Variants in TAF1B observed in about 807,000 individuals in gnomAD.
TAF1B encodes TATA-box binding protein associated factor, RNA polymerase I subunit B, also known as TATA box-binding protein-associated factor RNA polymerase I subunit B.
In TAF1B, 61 loss-of-function variants were observed where a neutral mutation model predicts 83.9. The ratio of observed to expected loss-of-function variants is 0.73; its 90% CI spans 0.59 to 0.90. The LOEUF is 0.90. Ranked by LOEUF, TAF1B falls within the 40% of genes least tolerant of loss-of-function variation. TAF1B has a pLI of 0.00. For missense variants in TAF1B, 625 were observed against 677.0 expected (o/e 0.92, Z 0.85); for synonymous variants, 221 against 224.6 (o/e 0.98, Z 0.14).
intron 12 of TAF1B, among the ~76,000 whole-genome samples, chr2:9,917,322 G>C (rs902654821): frequency 6.6e-6 from 1 of 152,026 alleles, no homozygotes; most frequent in Non-Finnish European, 1.5e-5. Flanking sequence ...CTAAAATATT[G>C]TTAAAAATGT....
At chr2:9,906,087 A>G (rs1665334274) in intron 9 of TAF1B, among the ~76,000 whole-genome samples, 1 of 152,074 alleles carries the variant, frequency 6.6e-6, no homozygotes, top group Non-Finnish European at 1.5e-5. Flanking sequence ...CAAGTGTGGA[A>G]AGTTCCTGTA....
intron 9 of TAF1B, among the ~76,000 whole-genome samples, chr2:9,908,674 C>G (rs894277088): frequency 6.6e-6 from 1 of 152,120 alleles, no homozygotes; most frequent in Admixed American, 6.5e-5. Context: ...CTTTTTGCAT[C>G]TGAATGAAGC....
chr2:9,850,542 T>C (rs926164049), intron 3 of TAF1B, among the ~76,000 whole-genome samples: 5 of 152,086 alleles, frequency 3.3e-5, no homozygotes, highest in African/African-American at 1.2e-4. Context: ...TGGGAAGGAA[T>C]TGGGTTAGTT....
intron 8 of TAF1B, among the ~76,000 whole-genome samples, chr2:9,903,595 G>A (rs1316954373): frequency 1.3e-5 from 2 of 152,210 alleles, no homozygotes; most frequent in East Asian, 1.9e-4. Flanking sequence ...TTATATGTGC[G>A]AGTTTAGTAT....
chr2:9,888,150 G>A (rs930004884), intron 8 of TAF1B, among the ~76,000 whole-genome samples: 1 of 151,934 alleles, frequency 6.6e-6, no homozygotes. Context: ...TTTTGTGGTT[G>A]CTCTAGGGTT....
chr2:9,928,971 A>G (rs1199321016), intron 14 of TAF1B, among the ~76,000 whole-genome samples: 1 of 152,216 alleles, frequency 6.6e-6, no homozygotes, highest in Non-Finnish European at 1.5e-5. Context: ...GTTTTTGCCC[A>G]TTCAGTATGA....
chr2:9,845,005 A>C (rs1285165882), intron 1 of TAF1B, among the ~76,000 whole-genome samples: 2 of 151,454 alleles, frequency 1.3e-5, no homozygotes, highest in African/African-American at 4.9e-5. Context: ...TTCCTGTCAC[A>C]CTGCATATTT....
chr2:9,894,037 GTA>G (rs946966079), intron 8 of TAF1B, among the ~76,000 whole-genome samples: 28 of 152,192 alleles, frequency 1.8e-4, no homozygotes, highest in African/African-American at 6.8e-4. Flanking sequence ...GTAGAAGACA[GTA>G]TGTCATGCAT....
intron 8 of TAF1B, among the ~76,000 whole-genome samples, chr2:9,903,899 T>C (rs1296177340): frequency 6.6e-6 from 1 of 152,220 alleles, no homozygotes; most frequent in Admixed American, 6.5e-5. Flanking sequence ...AAGAGCCAAA[T>C]AGAATTTTAG....
In TAF1B at chr2:9,868,294, A is replaced by G. The variant is rs1462713261; in HGVS notation, c.418A>G (p.Ser140Gly). ...CAAACAGGTATTAGAAGATAATCTA[A>G]GTCATTCAGACTGGGCTAGTGAGCC... ...RKPTVLEDNL[S>G]HSDWASEPEL... Residue 140 changes from serine to glycine, a missense_variant, in exon 6 of 15, where the codon AGT (serine) becomes GGT (glycine). Transcript: ENST00000263663. 3.1e-6 allele frequency: 5 copies of G among 1,614,150 alleles called. No homozygotes were observed. The highest frequency in any genetic ancestry group is 4.2e-6 in the Non-Finnish European group (5 of 1,180,016).
chr2:9,848,697 G>A (rs939730522), intron 2 of TAF1B, among the ~76,000 whole-genome samples: 2 of 151,672 alleles, frequency 1.3e-5, no homozygotes, highest in African/African-American at 4.8e-5. Flanking sequence ...TCAATAATGG[G>A]AACATTTATT....
At chr2:9,890,131 A>C (rs1360346972) in intron 8 of TAF1B, among the ~76,000 whole-genome samples, 5 of 152,098 alleles carry the variant, frequency 3.3e-5, no homozygotes, top group Non-Finnish European at 4.4e-5. Flanking sequence ...CATCAAGACC[A>C]CTGAGCTCTG....
chr2:9,888,958 C>G (rs1572253428), intron 8 of TAF1B, among the ~76,000 whole-genome samples: 1 of 141,292 alleles, frequency 7.1e-6, no homozygotes, highest in African/African-American at 2.5e-5. Flanking sequence ...CATGCGCCAC[C>G]ACACCCGGCT....
chr2:9,855,812 A>G (rs1228401745), intron 5 of TAF1B, among the ~76,000 whole-genome samples: 1 of 152,210 alleles, frequency 6.6e-6, no homozygotes, highest in African/African-American at 2.4e-5. Flanking sequence ...TACAAAACCT[A>G]TTTTATAATA....
intron 12 of TAF1B, among the ~76,000 whole-genome samples, chr2:9,918,027 C>A (rs1048616739): frequency 6.7e-6 from 1 of 150,168 alleles, no homozygotes; most frequent in Non-Finnish European, 1.5e-5. Flanking sequence ...AGCCGAGATC[C>A]CACCACTGCA....
intron 14 of TAF1B, among the ~76,000 whole-genome samples, chr2:9,927,822 A>G (rs1666089314): frequency 6.6e-6 from 1 of 151,532 alleles, no homozygotes. Context: ...TAAGTTGTTC[A>G]CTCTGATGGT....
At chr2:9,863,379 T>A (rs568436534) in intron 5 of TAF1B, among the ~76,000 whole-genome samples, 1 of 152,330 alleles carries the variant, frequency 6.6e-6, no homozygotes, top group South Asian at 2.1e-4. Context: ...AAGGGATCAA[T>A]GCAACAAGAA....
chr2:9,875,388 A>G (rs559584327), intron 6 of TAF1B, among the ~76,000 whole-genome samples: 15 of 152,318 alleles, frequency 9.8e-5, no homozygotes, highest in African/African-American at 3.6e-4. Context: ...TAAAGGTTTT[A>G]TAACTAGTTT....
chr2:9,922,413 C>A (rs1163450745), intron 14 of TAF1B, among the ~76,000 whole-genome samples: 2 of 152,144 alleles, frequency 1.3e-5, no homozygotes, highest in African/African-American at 4.8e-5. Context: ...CCACATGGGC[C>A]TTTGTACCTG....
Sources: allele counts gnomAD v4.1 joint callset (sites outside exome capture counted in the v4.1 genomes callset), GRCh38; gene constraint gnomAD v4.1.1; transcripts MANE v1.5; gene names NCBI Gene and HGNC (gene_info 2026-07-23, HGNC 2026-07-21).